Variants in EEF2 observed in about 807,000 individuals in gnomAD.
EEF2 encodes elongation factor 2.
EEF2 carries 21 observed loss-of-function variants against 85.3 expected under a neutral mutation model. The ratio of observed to expected loss-of-function variants is 0.25; its 90% CI spans 0.17 to 0.35. The LOEUF is 0.35. Among genes scored for constraint, EEF2 ranks in the 10% least tolerant of loss-of-function variants. The pLI, the probability that EEF2 is intolerant of heterozygous loss-of-function variation, is 1.00. For missense variants in EEF2, 825 were observed against 1,225.3 expected (o/e 0.67, Z 4.88); for synonymous variants, 723 against 508.8 (o/e 1.42, Z -5.67).
intron 1 of EEF2, chr19:3,985,061 G>A (rs1412335639): frequency 8.3e-6 from 3 of 363,608 alleles, no homozygotes; most frequent in Admixed American, 4.6e-5. Context: ...GCGCCTCCCT[G>A]TCTCCCCGCT....
Position 3,977,896 on chromosome 19 carries a change from C to A in EEF2, c.1990G>T (p.Asp664Tyr). 6.2e-7 allele frequency: 1 copy of A among 1,613,596 alleles called. No individual in the cohort carries two copies. Among genetic ancestry groups the A allele is most frequent in the Non-Finnish European group, 8.5e-7 (1 of 1,179,914 alleles). The change falls in exon 12 of 15, where the codon GAC (aspartate) becomes TAC (tyrosine). Residue 664 changes from aspartate to tyrosine, a missense_variant. By Grantham distance (160) the Asp-to-Tyr change is radical (BLOSUM62 -3). Coordinates refer to ENST00000309311, the MANE Select transcript of EEF2 (RefSeq NM_001961.4). The surrounding 1 kb of genome is among the most constrained non-coding windows in gnomAD (Gnocchi z 5.4). The stretch of plus-strand genomic sequence containing the variant: ...AGGTACTGCACACCCTTGGTGATGT[C>A]GGTGAGGATGTTGGGGCCGGTGCCG... ...PDGTGPNILT[D>Y]ITKGVQYLNE...
rs1264871794 is a variant in EEF2, at chr19:3,982,894, G to A, written c.525C>T (p.Tyr175=). 9.9e-6 allele frequency: 16 copies of A among 1,613,680 alleles called. No individual in the cohort carries two copies. Among genetic ancestry groups the A allele is most frequent in the Middle Eastern group, 1.6e-4 (1 of 6,062 alleles). The change falls in exon 4 of 15, where the codon TAC becomes TAT. Residue 175 remains tyrosine (Y), a synonymous_variant. Transcript: ENST00000309311. ...LELQLEPEEL[Y]QTFQRIVENV... ...TCTCCACGATGCGCTGGAAAGTCTG[G>A]TAGAGCTCCTCGGGCTCCAGCTGCA... is the stretch of plus-strand genomic sequence containing the variant.
chr19:3,983,091 A>T lies in EEF2; in HGVS notation c.400+19T>A. On this transcript the variant is annotated intron_variant, in intron 3 of 14. Coordinates refer to ENST00000309311, the MANE Select transcript of EEF2 (RefSeq NM_001961.4). ...GGCCCCCGGTTCCAGGCCGTGCCTC[A>T]GGGGGACCCACTGCTTACCTGACAC... The T allele has an allele frequency of 6.2e-7, 1 of 1,612,456 alleles. No homozygotes were observed.
Position 3,981,330 on chromosome 19 carries a change from A to T in EEF2, c.1011+9T>A. ...TCCCTCCACCCCGAGGGCTGGGCCC[A>T]GGCCGCACCTTCAGCAGGGGTTTGC... On this transcript the variant is annotated intron_variant, in intron 7 of 14. Coordinates refer to ENST00000309311, the MANE Select transcript of EEF2 (RefSeq NM_001961.4). 1 of 1,613,540 alleles carries T rather than the reference A, an allele frequency of 6.2e-7. No homozygotes were observed. The highest frequency in any genetic ancestry group is 8.5e-7 in the Non-Finnish European group (1 of 1,179,428).
At chr19:3,983,086 G>A (rs2039776386) in intron 3 of EEF2, 24 bp downstream of exon 3, 1 of 1,612,082 alleles carries the variant, frequency 6.2e-7, no homozygotes, top group African/African-American at 1.3e-5. Flanking sequence ...TCCAGGCCGT[G>A]CCTCAGGGGG....
At chr19:3,976,885 C>CA (rs2039685773) in intron 14 of EEF2, 138 bp from the exon 15 acceptor site, 1 of 1,081,836 alleles carries the variant, frequency 9.2e-7, no homozygotes. Flanking sequence ...CCCAGCACTT[C>CA]ACGAAGGGCC....
chr19:3,978,926 C>A (rs1220747091), intron 11 of EEF2, among the ~76,000 whole-genome samples: 1 of 150,372 alleles, frequency 6.7e-6, no homozygotes, highest in African/African-American at 2.4e-5. Context: ...TCGAGACCAT[C>A]TTGACTTACT....
In EEF2 at chr19:3,977,641, C is replaced by A. The variant is rs2039694099; in HGVS notation, c.2068-31G>T. 1 of 1,492,050 alleles carries A rather than the reference C, an allele frequency of 6.7e-7. No homozygotes were observed. The highest frequency in any genetic ancestry group is 2.3e-5 in the Admixed American group (1 of 44,074). The allele number at this position is 1,492,050 out of a possible 1,614,324, so 92.4% of individuals were successfully genotyped here. A position where few individuals can be genotyped will look rare whatever the true frequency, so the allele number is the denominator to read the frequency against. On this transcript the variant is annotated intron_variant, in intron 12 of 14. Coordinates refer to ENST00000309311, the MANE Select transcript of EEF2 (RefSeq NM_001961.4). The surrounding 1 kb of genome is among the most constrained non-coding windows in gnomAD (Gnocchi z 5.4). ...GGAGGGGGAGAGCCACCGTCAAGGG[C>A]CGGACACACCTCGGCTGCTTGCCCT...
Position 3,981,400 on chromosome 19 carries a change from T to C in EEF2, c.950A>G (p.Glu317Gly), listed in dbSNP as rs2039744902. ...GCTGTCCAGTTTGATGTCCAGTTTC[T>C]CTATCAGTTTTGCTGTCTCCTCTTT... The part of the protein sequence containing the change: ...FKKEETAKLI[E>G]KLDIKLDSED... The change falls in exon 7 of 15, where the codon GAG becomes GGG. Residue 317 changes from glutamate to glycine, a missense_variant. Coordinates refer to ENST00000309311, the MANE Select transcript of EEF2 (RefSeq NM_001961.4). 2 of 1,614,120 alleles carry C rather than the reference T, an allele frequency of 1.2e-6. No homozygotes were observed. Among genetic ancestry groups the C allele is most frequent in the African/African-American group, 1.3e-5 (1 of 74,944 alleles).
At position 3,979,838 on chromosome 19, in the gene EEF2, C is replaced by T; in HGVS notation, c.1575G>A (p.Lys525=). The T allele has an allele frequency of 6.2e-7, 1 of 1,613,700 alleles. No individual in the cohort carries two copies. The highest frequency in any genetic ancestry group is 8.5e-7 in the Non-Finnish European group (1 of 1,180,004). ...ADLPKLVEGL[K]RLAKSDPMVQ... is the part of the protein sequence containing the mutation. ...CCATGGGGTCGGACTTGGCCAGCCGCTTCAGCCCCTCCACCAGCTTGGGCA... is the reference window on the plus strand; with the variant it reads ...CCATGGGGTCGGACTTGGCCAGCCGTTTCAGCCCCTCCACCAGCTTGGGCA... Residue 525 remains lysine (K), a synonymous_variant, in exon 10 of 15, where the codon AAG becomes AAA. Coordinates refer to ENST00000309311, the MANE Select transcript of EEF2 (RefSeq NM_001961.4).
chr19:3,982,797 AG>A lies in EEF2; in HGVS notation c.612+9del. ...CGGCAAGCCCACCACCCAGCTAGGG[AG>A]GGCCGTACCATGATGTTGCCCATGG... On this transcript the variant is annotated intron_variant, in intron 4 of 14. Transcript: ENST00000309311. 6.2e-7 allele frequency: 1 copy of A among 1,606,218 alleles called. No individual in the cohort carries two copies. Among genetic ancestry groups the A allele is most frequent in the Non-Finnish European group, 8.5e-7 (1 of 1,177,546 alleles).
At chr19:3,978,499 G>T (rs1029558422) in intron 11 of EEF2, among the ~76,000 whole-genome samples, 2 of 152,202 alleles carry the variant, frequency 1.3e-5, no homozygotes, top group African/African-American at 4.8e-5. Context: ...AAGACAGCAG[G>T]ATGTAACTCA....
In EEF2 at chr19:3,982,320, C is replaced by T. The variant is rs755344784; in HGVS notation, c.717G>A (p.Lys239=). 4 of 1,614,068 alleles carry T rather than the reference C, an allele frequency of 2.5e-6. No individual in the cohort carries two copies. The African/African-American group carries it at 4.0e-5, about 16-fold the overall frequency. Residue 239 remains lysine (K), a synonymous_variant, in exon 5 of 15, where the codon AAG becomes AAA. Transcript: ENST00000309311. ...AEMYVAKFAA[K]GEGQLGPAER... is the part of the protein sequence containing the mutation. ...CGGCAGGCCCCAACTGGCCCTCCCCCTTGGCGGCGAACTTGGCCACATACA... is the reference window on the plus strand; with the variant it reads ...CGGCAGGCCCCAACTGGCCCTCCCCTTTGGCGGCGAACTTGGCCACATACA...
Position 3,977,770 on chromosome 19 carries a change from C to G in EEF2, c.2067+49G>C, listed in dbSNP as rs780505013. On this transcript the variant is annotated intron_variant, in intron 12 of 14. Coordinates refer to ENST00000309311, the MANE Select transcript of EEF2 (RefSeq NM_001961.4). The surrounding 1 kb of genome is among the most constrained non-coding windows in gnomAD (Gnocchi z 5.4). ...CGGGAGGCAGGACCATGAGGTCCCT[C>G]TAGAGCCTGGAAACGGGTGTGGTCT... The G allele has an allele frequency of 3.9e-6, 6 of 1,524,672 alleles. No homozygotes were observed. The highest frequency in any genetic ancestry group is 1.8e-4 in the Middle Eastern group (1 of 5,618). 94.4% of individuals were successfully genotyped at this position (1,524,672 alleles called of 1,614,324 possible). A position where few individuals can be genotyped will look rare whatever the true frequency, so the allele number is the denominator to read the frequency against.
At chr19:3,981,035 C>A in intron 7 of EEF2, 56 bp from the exon 8 acceptor site, 1 of 1,530,282 alleles carries the variant, frequency 6.5e-7, no homozygotes, top group Non-Finnish European at 8.8e-7. Flanking sequence ...ATGGCCCCAC[C>A]CCGTACACGC....
chr19:3,984,115 C>T (rs754521752), intron 2 of EEF2, 21 bp downstream of exon 2: 2 of 1,611,310 alleles, frequency 1.2e-6, no homozygotes, highest in African/African-American at 2.7e-5. Flanking sequence ...TGCCTGGGTA[C>T]AGAGGGCACA....
intron 14 of EEF2, 60 bp from the exon 15 acceptor site, chr19:3,976,807 G>A: frequency 1.4e-6 from 2 of 1,453,360 alleles, no homozygotes; most frequent in Non-Finnish European, 1.8e-6. Context: ...CAGAAGGAAA[G>A]TCCTGTCAGG....
intron 7 of EEF2, 144 bp from the exon 8 acceptor site, chr19:3,981,123 G>A (rs1260136320): frequency 2.9e-6 from 4 of 1,358,094 alleles, no homozygotes; most frequent in Non-Finnish European, 2.9e-6. Flanking sequence ...AGGCGGCAAA[G>A]GCCATGCACA....
Position 3,977,637 on chromosome 19 carries a change from A to G in EEF2, c.2068-27T>C. 2.0e-6 allele frequency: 3 copies of G among 1,495,334 alleles called. No individual in the cohort carries two copies. The highest frequency in any genetic ancestry group is 2.7e-6 in the Non-Finnish European group (3 of 1,127,478). The allele number at this position is 1,495,334 out of a possible 1,614,324, so 92.6% of individuals were successfully genotyped here. On this transcript the variant is annotated intron_variant, in intron 12 of 14. Coordinates refer to ENST00000309311, the MANE Select transcript of EEF2 (RefSeq NM_001961.4). This position sits in a 1 kb window ranked among gnomAD's most constrained non-coding sequence, Gnocchi z 5.4. ...TGGGGGAGGGGGAGAGCCACCGTCA[A>G]GGGCCGGACACACCTCGGCTGCTTG... is the stretch of plus-strand genomic sequence containing the variant.
Sources: allele counts gnomAD v4.1 joint callset (sites outside exome capture counted in the v4.1 genomes callset), GRCh38; gene constraint gnomAD v4.1.1; non-coding constraint Gnocchi (gnomAD v3.1); transcripts MANE v1.5; gene names NCBI Gene and HGNC (gene_info 2026-07-23, HGNC 2026-07-21).